LMF1: variants seen among roughly 807,000 people sequenced by gnomAD.
LMF1 encodes lipase maturation factor 1.
Under a neutral mutation model 60.6 loss-of-function variants are expected in LMF1, and 68 were observed. That is an observed-to-expected ratio of 1.12 (90% confidence interval 0.92 to 1.37). The LOEUF (loss-of-function observed/expected upper bound fraction) is 1.37. LMF1 is among the 40% of genes most tolerant of loss of function. LMF1 has a pLI of 0.00. For missense variants in LMF1, 948 were observed against 767.2 expected, an observed-to-expected ratio of 1.24 and a Z score of -2.78; for synonymous variants, 418 against 324.7, an observed-to-expected ratio of 1.29 and a Z score of -3.09.
At chr16:882,623 C>T (rs949384215) in intron 5 of LMF1, among the ~76,000 whole-genome samples, 1 of 150,608 alleles carries the variant, frequency 6.6e-6, no homozygotes, top group Non-Finnish European at 1.5e-5. Flanking sequence ...GAGAAAGTTG[C>T]TACTGCTCAG....
chr16:859,880 G>T lies in LMF1; in HGVS notation c.1530-5174C>A, dbSNP rs1277339203. On this transcript the variant is annotated intron_variant, in intron 10 of 10. Coordinates refer to ENST00000262301, the MANE Select transcript of LMF1 (RefSeq NM_022773.4). ...GGTGTGCAGTGGTGTCTCGGGATGG[G>T]TGTGAGTGGTGTCTCGGGATGGGTG... Among the ~76,000 whole-genome samples, 3 of 143,126 alleles carry T rather than the reference G, an allele frequency of 2.1e-5. No individual in the cohort carries two copies. In the South Asian group the frequency reaches 6.5e-4, roughly 31 times the overall value. The allele number at this position is 143,126 out of a possible 152,430, so 93.9% of individuals were successfully genotyped here. A position where few individuals can be genotyped will look rare whatever the true frequency, so the allele number is the denominator to read the frequency against.
chr16:890,427 C>T (rs970613545), intron 5 of LMF1, among the ~76,000 whole-genome samples: 1 of 152,230 alleles, frequency 6.6e-6, no homozygotes. Context: ...CGGCCCGGCC[C>T]CCCGAGACAG....
intron 3 of LMF1, among the ~76,000 whole-genome samples, chr16:916,643 G>T (rs995882260): frequency 6.6e-6 from 1 of 152,170 alleles, no homozygotes; most frequent in South Asian, 2.1e-4. Context: ...GACACCAGGT[G>T]GCCTTGTCTG....
chr16:859,128 GC>G (rs869190426), intron 10 of LMF1, among the ~76,000 whole-genome samples: 3 of 128,186 alleles, frequency 2.3e-5, no homozygotes, highest in Middle Eastern at 5.6e-3. Flanking sequence ...GGACGGGTGT[GC>G]ACTGATGTCA....
intron 1 of LMF1, chr16:976,187 GCC>G: frequency 4.4e-6 from 2 of 451,882 alleles, no homozygotes; most frequent in Non-Finnish European, 8.9e-6. Flanking sequence ...CAGTGCCTGG[GCC>G]ACGGATGGGC....
At chr16:860,066 G>A (rs997343625) in intron 10 of LMF1, among the ~76,000 whole-genome samples, 2 of 143,326 alleles carry the variant, frequency 1.4e-5, no homozygotes, top group African/African-American at 6.1e-5. Flanking sequence ...TTGGTGAAAC[G>A]TCTCTGTGCT....
At chr16:912,371 C>T (rs112681570) in intron 3 of LMF1, among the ~76,000 whole-genome samples, 4 of 152,240 alleles carry the variant, frequency 2.6e-5, no homozygotes, top group African/African-American at 9.6e-5. Context: ...CGGGGAGCTT[C>T]CTCCAACCAT....
intron 1 of LMF1, among the ~76,000 whole-genome samples, chr16:955,426 C>T (rs1336280560): frequency 4.1e-5 from 6 of 145,964 alleles, no homozygotes; most frequent in Non-Finnish European, 9.0e-5. Flanking sequence ...GTGAACCAGA[C>T]ACGTTACATA....
chr16:854,731 A>G (rs1290707293), intron 10 of LMF1, 25 bp from the exon 11 acceptor site: 2 of 1,564,116 alleles, frequency 1.3e-6, no homozygotes, highest in South Asian at 1.2e-5. Flanking sequence ...ATGTCAGCCC[A>G]GGGCCTGCTG....
At chr16:929,489 G>T (rs1162509908) in intron 3 of LMF1, among the ~76,000 whole-genome samples, 1 of 152,210 alleles carries the variant, frequency 6.6e-6, no homozygotes, top group Non-Finnish European at 1.5e-5. Context: ...GCAGCCCCAC[G>T]GAGCCCTGCC....
intron 1 of LMF1, among the ~76,000 whole-genome samples, chr16:963,707 C>T (rs957142832): frequency 4.6e-5 from 7 of 152,184 alleles, no homozygotes; most frequent in South Asian, 2.1e-4. Context: ...CTCACCACAA[C>T]GCAAACTCCA....
chr16:923,281 G>A (rs12596014), intron 3 of LMF1, among the ~76,000 whole-genome samples: 2,158 of 152,268 alleles, frequency 0.014, 31 homozygotes, highest in South Asian at 0.1. Flanking sequence ...ACACTGGCAC[G>A]GTGCACTGTG....
chr16:923,774 A>C (rs979882662), intron 3 of LMF1, among the ~76,000 whole-genome samples: 1 of 152,196 alleles, frequency 6.6e-6, no homozygotes, highest in Non-Finnish European at 1.5e-5. Context: ...ACAATCTCCA[A>C]ATCCAGAGGC....
At chr16:971,940 G>A (rs901054362), upstream of LMF1, among the ~76,000 whole-genome samples, 6 of 152,118 alleles carry the variant, frequency 3.9e-5, no homozygotes, top group Admixed American at 6.5e-5. Flanking sequence ...CTGGTTTTTT[G>A]TTTTTGTTTT....
chr16:950,510 AGAGTCAGAG>A (rs2072421834), intron 2 of LMF1, among the ~76,000 whole-genome samples: 1 of 84,424 alleles, frequency 1.2e-5, no homozygotes, highest in African/African-American at 7.5e-5. Context: ...CAGAGATGAC[AGAGTCAGAG>A]ACGACAGAGT....
Position 872,288 on chromosome 16 carries a change from C to G in LMF1, c.898-947G>C, listed in dbSNP as rs1251292245. On this transcript the variant is annotated intron_variant, in intron 6 of 10. Coordinates refer to ENST00000262301, the MANE Select transcript of LMF1 (RefSeq NM_022773.4). ...CAGATTTGATGCATCAAAGCCCAGCCTTTATCCCCGTAACTCAGGAGGAAG... is the reference window on the plus strand; with the variant it reads ...CAGATTTGATGCATCAAAGCCCAGCGTTTATCCCCGTAACTCAGGAGGAAG... The G allele has an allele frequency of 5.9e-5, 9 of 152,318 alleles. No individual in the cohort carries two copies. In the East Asian group the frequency reaches 1.7e-3, roughly 29 times the overall value. 9.4% of individuals were successfully genotyped at this position (152,318 alleles called of 1,614,324 possible).
intron 5 of LMF1, among the ~76,000 whole-genome samples, chr16:889,013 C>T (rs2070396460): frequency 6.6e-6 from 1 of 152,222 alleles, no homozygotes; most frequent in African/African-American, 2.4e-5. Context: ...CGGCTGAGAG[C>T]AAGCGGCCGT....
chr16:936,129 G>A (rs531670054), intron 2 of LMF1, among the ~76,000 whole-genome samples: 1 of 149,912 alleles, frequency 6.7e-6, no homozygotes, highest in African/African-American at 2.5e-5. Flanking sequence ...CTGGGAGGGA[G>A]AGAGGGCACC....
At position 880,275 on chromosome 16, in the gene LMF1, C is replaced by T. The variant is rs2070125391; in HGVS notation, c.730-538G>A. ...AAGCGCAAGACCTGGCTGTGGGGAC[C>T]TGGAAGCCTCCCAGGCCAAGGCACA... On this transcript the variant is annotated intron_variant, in intron 5 of 10. Coordinates refer to ENST00000262301, the MANE Select transcript of LMF1 (RefSeq NM_022773.4). Among the ~76,000 whole-genome samples, 5 of 152,310 alleles carry T rather than the reference C, an allele frequency of 3.3e-5. No homozygotes were observed. The South Asian group carries it at 1.0e-3, about 32-fold the overall frequency.
Sources: gnomAD v4.1 joint callset for allele counts (sites outside exome capture counted in the v4.1 genomes callset) on GRCh38, gnomAD v4.1.1 for gene constraint, MANE v1.5 for transcripts, NCBI Gene and HGNC (gene_info 2026-07-23, HGNC 2026-07-21) for gene names.